Variants in RBM25 observed in about 807,000 individuals in gnomAD.
RBM25 encodes RNA-binding protein 25.
RBM25 carries 19 observed loss-of-function variants against 120.7 expected under a neutral mutation model. The observed-to-expected ratio is 0.16, with a 90% CI of 0.11 to 0.23. RBM25 has a LOEUF of 0.23. Among genes scored for constraint, RBM25 ranks in the 10% least tolerant of loss-of-function variants. The pLI is 1.00. For synonymous variants in RBM25, 390 were observed against 326.7 expected (o/e 1.19, Z -2.09); for missense variants, 605 against 1,041.5 (o/e 0.58, Z 5.77).
Position 73,077,533 on chromosome 14 carries a change from A to G in RBM25, c.321A>G (p.Leu107=), listed in dbSNP as rs1895450658. The G allele has an allele frequency of 6.3e-7, 1 of 1,598,826 alleles. No individual in the cohort carries two copies. The highest frequency in any genetic ancestry group is 2.2e-5 in the East Asian group (1 of 44,558). Residue 107 remains leucine, a synonymous_variant, in exon 4 of 19, where the codon TTA becomes TTG. Coordinates refer to ENST00000261973, the MANE Select transcript of RBM25 (RefSeq NM_021239.3). ...KASDMLIRQL[L]AKCGLVLSWK... is the part of the protein sequence containing the mutation. ...CAGACATGCTTATAAGACAACTCTT[A>G]GCTGTAAGTTAAACTGTTTATTTTT...
chr14:73,095,473 G>C (rs1895922016), intron 6 of RBM25, among the ~76,000 whole-genome samples: 1 of 151,942 alleles, frequency 6.6e-6, no homozygotes, highest in Non-Finnish European at 1.5e-5. Flanking sequence ...GGGTGTGGTG[G>C]CGGGAGCCTG....
intron 2 of RBM25, among the ~76,000 whole-genome samples, chr14:73,071,949 T>C (rs932675928): frequency 6.6e-6 from 1 of 152,104 alleles, no homozygotes; most frequent in African/African-American, 2.4e-5. Context: ...TTTTTTTTTT[T>C]CTTCTCATCT....
At chr14:73,065,843 C>T (rs1895119634) in intron 1 of RBM25, among the ~76,000 whole-genome samples, 1 of 152,160 alleles carries the variant, frequency 6.6e-6, no homozygotes, top group Non-Finnish European at 1.5e-5. Context: ...GTGTGAGCCA[C>T]CGCCCCTGAC....
chr14:73,100,632 A>C, intron 9 of RBM25: 1 of 258,346 alleles, frequency 3.9e-6, no homozygotes, highest in Non-Finnish European at 7.3e-6. Flanking sequence ...TGATAGACTG[A>C]GAGATCTTTA....
intron 7 of RBM25, among the ~76,000 whole-genome samples, chr14:73,099,111 G>A (rs1284667016): frequency 6.6e-6 from 1 of 152,070 alleles, no homozygotes; most frequent in African/African-American, 2.4e-5. Context: ...AATATTGTTG[G>A]TATGATTAGA....
At chr14:73,063,970 T>C (rs8005215) in intron 1 of RBM25, among the ~76,000 whole-genome samples, 56,048 of 151,128 alleles carry the variant, frequency 0.37, 12,499 homozygotes, top group African/African-American at 0.55. Context: ...CTCCCTCAAA[T>C]ACACCATTCC....
intron 1 of RBM25, among the ~76,000 whole-genome samples, chr14:73,070,931 G>C (rs1192854053): frequency 6.9e-6 from 1 of 143,928 alleles, no homozygotes; most frequent in Non-Finnish European, 1.5e-5. Flanking sequence ...TGGCGATAGA[G>C]CGAGACTCCA....
At chr14:73,112,115 C>CA (rs754856893) in intron 16 of RBM25, 37 bp from the exon 17 acceptor site, 115 of 1,530,844 alleles carry the variant, frequency 7.5e-5, no homozygotes, top group Non-Finnish European at 9.6e-5. Context: ...TAGCAAGTTA[C>CA]AATTCTTTAA....
At chr14:73,081,717 C>T (rs745309725) in intron 4 of RBM25, among the ~76,000 whole-genome samples, 4 of 152,004 alleles carry the variant, frequency 2.6e-5, no homozygotes, top group South Asian at 2.1e-4. Context: ...AGTAGTTTAC[C>T]GGGATATAGA....
At chr14:73,081,953 A>G (rs1270372212) in intron 4 of RBM25, among the ~76,000 whole-genome samples, 4 of 152,136 alleles carry the variant, frequency 2.6e-5, no homozygotes, top group African/African-American at 9.7e-5. Flanking sequence ...TTTTTCTTAT[A>G]TCATTGTGTT....
At chr14:73,069,746 T>TAAAGAAAAAAA (rs1895231263) in intron 1 of RBM25, 1 of 44,154 alleles carries the variant, frequency 2.3e-5, no homozygotes, top group Admixed American at 4.6e-4. Flanking sequence ...CCCTGTTTCT[T>TAAAGAAAAAAA]AAAAAAAAAA....
chr14:73,091,212 C>T lies in RBM25; in HGVS notation c.543+3051C>T, dbSNP rs1055641487. ...GGAAGTGCACAATTATGTGACTTCA[C>T]ATTTCTTGCTTGCTTGCTTTTTTTG... On this transcript the variant is annotated intron_variant, in intron 6 of 18. Coordinates refer to ENST00000261973, the MANE Select transcript of RBM25 (RefSeq NM_021239.3). Among the ~76,000 whole-genome samples, 5 of 152,140 alleles carry T rather than the reference C, an allele frequency of 3.3e-5. No individual in the cohort carries two copies. The East Asian group carries it at 9.6e-4, about 29-fold the overall frequency.
At chr14:73,082,832 C>T (rs1372524603) in intron 4 of RBM25, among the ~76,000 whole-genome samples, 1 of 151,292 alleles carries the variant, frequency 6.6e-6, no homozygotes, top group Admixed American at 6.6e-5. Context: ...GAGGCTGAGG[C>T]GGGCAGATCA....
chr14:73,085,513 C>T (rs147186777), intron 5 of RBM25, among the ~76,000 whole-genome samples: 1 of 133,954 alleles, frequency 7.5e-6, no homozygotes, highest in African/African-American at 2.6e-5. Flanking sequence ...GGCACCATCT[C>T]AGCTCGCTGC....
At chr14:73,111,260 A>G (rs1896305434) in intron 15 of RBM25, 105 bp downstream of exon 15, 1 of 1,039,742 alleles carries the variant, frequency 9.6e-7, no homozygotes, top group South Asian at 1.7e-5. Flanking sequence ...GGTTAGGTAG[A>G]TAGAAGATTA....
chr14:73,112,131 T>TAA, intron 16 of RBM25, 21 bp from the exon 17 acceptor site: 1 of 1,570,904 alleles, frequency 6.4e-7, no homozygotes, highest in Non-Finnish European at 8.7e-7. Context: ...TTTAATTCAG[T>TAA]AACCGTGGTT....
chr14:73,106,378 A>G, intron 12 of RBM25, 93 bp downstream of exon 12: 1 of 1,004,160 alleles, frequency 1.0e-6, no homozygotes, highest in South Asian at 2.2e-5. Context: ...ATTGAAATGC[A>G]CAAGCTTCTC....
rs1445619248 is a variant in RBM25, at chr14:73,121,685, G to A, written c.*1880G>A. ...GCACTGTTCTTAAGCATCATATTGT[G>A]TTGTTTTTATTTAGCCACTATTAAC... On this transcript the variant is annotated 3_prime_UTR_variant, in exon 19 of 19. Coordinates refer to ENST00000261973, the MANE Select transcript of RBM25 (RefSeq NM_021239.3). 6.6e-6 allele frequency: 1 copy of A among 152,132 alleles called. No homozygotes were observed. Among genetic ancestry groups the A allele is most frequent in the Non-Finnish European group, 1.5e-5 (1 of 68,032 alleles). The allele number at this position is 152,132 out of a possible 1,614,324, so 9.4% of individuals were successfully genotyped here. A position where few individuals can be genotyped will look rare whatever the true frequency, so the allele number is the denominator to read the frequency against.
chr14:73,094,730 G>A (rs1895898206), intron 6 of RBM25, among the ~76,000 whole-genome samples: 1 of 152,060 alleles, frequency 6.6e-6, no homozygotes, highest in Admixed American at 6.6e-5. Context: ...GTTTCACCAT[G>A]TTGGTCAGGC....
Sources: allele counts gnomAD v4.1 joint callset (sites outside exome capture counted in the v4.1 genomes callset), GRCh38; gene constraint gnomAD v4.1.1; transcripts MANE v1.5; gene names NCBI Gene and HGNC (gene_info 2026-07-23, HGNC 2026-07-21).